DPYSL2: variants seen among roughly 807,000 people sequenced by gnomAD.
DPYSL2 encodes the protein dihydropyrimidinase like 2, also known as dihydropyrimidinase-related protein 2.
Under a neutral mutation model 69.9 loss-of-function variants are expected in DPYSL2, and 13 were observed. The ratio of observed to expected loss-of-function variants is 0.19; its 90% CI spans 0.12 to 0.30. The LOEUF (loss-of-function observed/expected upper bound fraction) is 0.30. Ranked by LOEUF, DPYSL2 falls within the 10% of genes least tolerant of loss-of-function variation. The pLI is 1.00. For missense variants in DPYSL2, 587 were observed against 918.9 expected (o/e 0.64, Z 4.67); for synonymous variants, 326 against 359.1 (o/e 0.91, Z 1.04).
chr8:26,549,946 A>C (rs911053506), intron 1 of DPYSL2, among the ~76,000 whole-genome samples: 1 of 152,216 alleles, frequency 6.6e-6, no homozygotes, highest in South Asian at 2.1e-4. Flanking sequence ...AATGACATAA[A>C]AAGAGAGTTG....
intron 3 of DPYSL2, among the ~76,000 whole-genome samples, chr8:26,595,024 A>AAATCAATC (rs4055147): frequency 1.2e-4 from 18 of 151,090 alleles, no homozygotes; most frequent in Middle Eastern, 3.4e-3. Context: ...GTCTCTACCA[A>AAATCAATC]AATCAATCAA....
intron 1 of DPYSL2, among the ~76,000 whole-genome samples, chr8:26,528,953 T>C (rs1044748623): frequency 6.6e-6 from 1 of 152,114 alleles, no homozygotes; most frequent in Admixed American, 6.5e-5. Context: ...GGTAGGTGGA[T>C]ATTGGCCCTG....
Position 26,626,555 on chromosome 8 carries a change from T to C in DPYSL2, c.794-62T>C. ...CACAGACAGTATTATCACTTTCTTA[T>C]CCCTTATTTGGTTATTTGGTTTATC... On this transcript the variant is annotated intron_variant, in intron 4 of 13. Transcript: ENST00000521913. This position sits in a 1 kb window ranked among gnomAD's most constrained non-coding sequence, Gnocchi z 4.3. 1 of 1,476,446 alleles carries C rather than the reference T, an allele frequency of 6.8e-7. No homozygotes were observed. The highest frequency in any genetic ancestry group is 9.5e-7 in the Non-Finnish European group (1 of 1,057,126). 91.5% of individuals were successfully genotyped at this position (1,476,446 alleles called of 1,614,324 possible).
At position 26,543,669 on chromosome 8, in the gene DPYSL2, T is replaced by C. The variant is rs951452264; in HGVS notation, c.354+28990T>C. On this transcript the variant is annotated intron_variant, in intron 1 of 13. Coordinates refer to ENST00000521913, the MANE Select transcript of DPYSL2 (RefSeq NM_001197293.3). ...CGCCCAGCTAATTTTATATTTTTAGTAGAGACAGTGTTTCACCATGTTGGT... is the reference window on the plus strand; with the variant it reads ...CGCCCAGCTAATTTTATATTTTTAGCAGAGACAGTGTTTCACCATGTTGGT... 2.2e-4 allele frequency among the ~76,000 whole-genome samples: 33 copies of C among 152,208 alleles called. 1 individual carries two copies. The highest frequency in any genetic ancestry group is 2.9e-4 in the Non-Finnish European group (20 of 68,034).
chr8:26,521,883 G>A (rs1034078960), intron 1 of DPYSL2, among the ~76,000 whole-genome samples: 1 of 152,054 alleles, frequency 6.6e-6, no homozygotes, highest in Non-Finnish European at 1.5e-5. Flanking sequence ...GCCAAATAAT[G>A]TTCCATTGTT....
At position 26,580,148 on chromosome 8, in the gene DPYSL2, G is replaced by A. The variant is rs920655459; in HGVS notation, c.355-1821G>A. ...TCGGGATATTCGCGGTGATGGCTGG[G>A]GCAGGTACCACAGTGACTGTGGAGG... On this transcript the variant is annotated intron_variant, in intron 1 of 13. Coordinates refer to ENST00000521913, the MANE Select transcript of DPYSL2 (RefSeq NM_001197293.3). The surrounding 1 kb of genome is among the most constrained non-coding windows in gnomAD (Gnocchi z 4.1). Among the ~76,000 whole-genome samples, 2 of 152,004 alleles carry A rather than the reference G, an allele frequency of 1.3e-5. No homozygotes were observed. The highest frequency in any genetic ancestry group is 2.9e-5 in the Non-Finnish European group (2 of 67,988).
At chr8:26,631,087 T>C (rs28498128) in intron 7 of DPYSL2, among the ~76,000 whole-genome samples, 12,257 of 152,280 alleles carry the variant, frequency 0.08, 596 homozygotes, top group South Asian at 0.16. Context: ...TTCTCCTGCT[T>C]TCTGCAGAGA....
At chr8:26,602,473 T>C (rs553073275) in intron 3 of DPYSL2, among the ~76,000 whole-genome samples, 1 of 152,128 alleles carries the variant, frequency 6.6e-6, no homozygotes, top group Non-Finnish European at 1.5e-5. Context: ...GAGAGTATTA[T>C]GCTAGACACC....
Position 26,611,189 on chromosome 8 carries a change from A to G in DPYSL2, c.629-12954A>G, listed in dbSNP as rs118018812. ...AGCCAAAGCCCTGAGCATCTGTAGT[A>G]GATTCCTTGTGGCTTTCTGTCCTGT... is the stretch of plus-strand genomic sequence containing the variant. On this transcript the variant is annotated intron_variant, in intron 3 of 13. Coordinates refer to ENST00000521913, the MANE Select transcript of DPYSL2 (RefSeq NM_001197293.3). Among the ~76,000 whole-genome samples, 403 of 152,360 alleles carry G rather than the reference A, an allele frequency of 2.6e-3. 2 individuals carry two copies. The highest frequency in any genetic ancestry group is 3.6e-3 in the Non-Finnish European group (242 of 68,030).
rs796456287 is a variant in DPYSL2, at chr8:26,617,075, C to A, written c.629-7068C>A. ...ATCCCTGGTTTTAATTACAAAGGGC[C>A]CCTTGAGACCTTGTCAGAAATACTG... On this transcript the variant is annotated intron_variant, in intron 3 of 13. Coordinates refer to ENST00000521913, the MANE Select transcript of DPYSL2 (RefSeq NM_001197293.3). This position sits in a 1 kb window ranked among gnomAD's most constrained non-coding sequence, Gnocchi z 4.7. 3.9e-4 allele frequency among the ~76,000 whole-genome samples: 59 copies of A among 152,278 alleles called. No homozygotes were observed. The highest frequency in any genetic ancestry group is 1.4e-3 in the African/African-American group (57 of 41,564).
intron 3 of DPYSL2, among the ~76,000 whole-genome samples, chr8:26,604,872 G>A (rs1462867784): frequency 6.6e-6 from 1 of 151,936 alleles, no homozygotes; most frequent in Non-Finnish European, 1.5e-5. Context: ...CACCATGTTG[G>A]CCAGGCTGGT....
chr8:26,563,919 G>A (rs1365171981), intron 1 of DPYSL2, among the ~76,000 whole-genome samples: 2 of 152,092 alleles, frequency 1.3e-5, no homozygotes, highest in South Asian at 2.1e-4. Context: ...AGTTAGAAAC[G>A]TTTAGTTAGT....
rs758928042 is a variant in DPYSL2, at chr8:26,653,204, G to C, written c.1777-28G>C. 3.1e-6 allele frequency: 5 copies of C among 1,609,514 alleles called. No homozygotes were observed. In the African/African-American group the frequency reaches 6.7e-5, roughly 21 times the overall value. On this transcript the variant is annotated intron_variant, in intron 12 of 13. Coordinates refer to ENST00000521913, the MANE Select transcript of DPYSL2 (RefSeq NM_001197293.3). This position sits in a 1 kb window ranked among gnomAD's most constrained non-coding sequence, Gnocchi z 5.7. ...GAGGTATCCTCTGTGGCTGTGGCCT[G>C]AGCTGGGGGGACTCTTGTGTTTTGC...
chr8:26,655,792 TTTTTG>T lies in DPYSL2; in HGVS notation c.*91_*95del. 7.8e-7 allele frequency: 1 copy of T among 1,274,398 alleles called. No individual in the cohort carries two copies. 78.9% of individuals were successfully genotyped at this position (1,274,398 alleles called of 1,614,324 possible). On this transcript the variant is annotated 3_prime_UTR_variant, in exon 14 of 14. Transcript: ENST00000521913. ...ACTTCTTTCTTCCTTCCTTTTTTTT[TTTTTG>T]TTTTTTTTTTTAAGAGCCTGTGATA...
chr8:26,568,866 T>C (rs1358492192), intron 1 of DPYSL2, among the ~76,000 whole-genome samples: 1 of 152,062 alleles, frequency 6.6e-6, no homozygotes, highest in Non-Finnish European at 1.5e-5. Context: ...AAGTGCGGGA[T>C]TGAAAAGAGG....
chr8:26,572,478 G>A (rs1801253533), intron 1 of DPYSL2, among the ~76,000 whole-genome samples: 4 of 152,170 alleles, frequency 2.6e-5, no homozygotes, highest in Admixed American at 2.6e-4. Context: ...CAGGCCCTCT[G>A]TAAGGATAAG....
At position 26,658,058 on chromosome 8, in the gene DPYSL2, C is replaced by G. The variant is rs1803433323; in HGVS notation, c.*2352C>G. ...CAGAAGAGTACTTTTTTTTTTGTAA[C>G]CACTGTCTTGATGGCAAAATAATTA... On this transcript the variant is annotated 3_prime_UTR_variant, in exon 14 of 14. Transcript: ENST00000521913. This position sits in a 1 kb window ranked among gnomAD's most constrained non-coding sequence, Gnocchi z 4.7. The G allele has an allele frequency of 6.6e-6, 1 of 152,060 alleles. No individual in the cohort carries two copies. The allele number at this position is 152,060 out of a possible 1,614,324, so 9.4% of individuals were successfully genotyped here.
chr8:26,624,447 G>A lies in DPYSL2; in HGVS notation c.793+140G>A. ...ATGCCTGCCCCTGGGAAGGAGAGAG[G>A]GCTTTGGGCCGCAGCTTATGCTGTT... On this transcript the variant is annotated intron_variant, in intron 4 of 13. Transcript: ENST00000521913. The surrounding 1 kb of genome is among the most constrained non-coding windows in gnomAD (Gnocchi z 4.7). 1 of 1,106,200 alleles carries A rather than the reference G, an allele frequency of 9.0e-7. No individual in the cohort carries two copies. The highest frequency in any genetic ancestry group is 1.3e-6 in the Non-Finnish European group (1 of 774,294). The allele number at this position is 1,106,200 out of a possible 1,614,324, so 68.5% of individuals were successfully genotyped here. A position where few individuals can be genotyped will look rare whatever the true frequency, so the allele number is the denominator to read the frequency against.
chr8:26,582,178 TCTG>T lies in DPYSL2; in HGVS notation c.443+122_443+124del. 1.3e-6 allele frequency: 1 copy of T among 754,018 alleles called. No individual in the cohort carries two copies. The highest frequency in any genetic ancestry group is 2.2e-6 in the Non-Finnish European group (1 of 462,422). 46.7% of individuals were successfully genotyped at this position (754,018 alleles called of 1,614,324 possible). On this transcript the variant is annotated intron_variant, in intron 2 of 13. Transcript: ENST00000521913. The surrounding 1 kb of genome is among the most constrained non-coding windows in gnomAD (Gnocchi z 4.1). Reference sequence around the variant, plus strand: ...ACATCAGAGAGTGACCAACTTAGTATCTGTTTTAAACTGGTTTTGATTGGTGGT... The same window carrying T: ...ACATCAGAGAGTGACCAACTTAGTATTTTTAAACTGGTTTTGATTGGTGGT...
Sources: allele counts gnomAD v4.1 joint callset (sites outside exome capture counted in the v4.1 genomes callset), GRCh38; gene constraint gnomAD v4.1.1; non-coding constraint Gnocchi (gnomAD v3.1); transcripts MANE v1.5; gene names NCBI Gene and HGNC (gene_info 2026-07-23, HGNC 2026-07-21).